The following EARS2 variants were observed in gnomAD, a reference collection of about 807,000 sequenced individuals.
The protein encoded by EARS2 is glutamyl-tRNA synthetase 2, mitochondrial.
Under a neutral mutation model 54.1 loss-of-function variants are expected in EARS2, and 50 were observed. That is an observed-to-expected ratio of 0.92 (90% CI 0.74 to 1.17). The LOEUF (loss-of-function observed/expected upper bound fraction) is 1.17, where lower values mean the gene tolerates loss of function less well. Ranked by LOEUF, EARS2 falls within the 50% of genes most tolerant of loss-of-function variation. The pLI, the probability that EARS2 is intolerant of heterozygous loss-of-function variation, is 0.00. For synonymous variants in EARS2, 298 were observed against 281.0 expected (o/e 1.06, Z -0.61); for missense variants, 673 against 675.0 (o/e 1.00, Z 0.03).
At chr16:23,526,847 G>A (rs1965236997) in intron 7 of EARS2, among the ~76,000 whole-genome samples, 1 of 152,150 alleles carries the variant, frequency 6.6e-6, no homozygotes, top group Admixed American at 6.5e-5. Flanking sequence ...TTCAGTTAGA[G>A]GTGGACTTAA....
In EARS2 at chr16:23,557,190, G is replaced by A. The variant is rs1965811274; in HGVS notation, c.139+15C>T. 1 of 1,506,300 alleles carries A rather than the reference G, an allele frequency of 6.6e-7. No individual in the cohort carries two copies. Among genetic ancestry groups the A allele is most frequent in the African/African-American group, 1.4e-5 (1 of 71,830 alleles). The allele number at this position is 1,506,300 out of a possible 1,614,324, so 93.3% of individuals were successfully genotyped here. A position where few individuals can be genotyped will look rare whatever the true frequency, so the allele number is the denominator to read the frequency against. ...AGGGGGCCTCGGCCTGTAGCGTCAC[G>A]TCCGCCAGGGTTACCTGTGGGGCTG... On this transcript the variant is annotated intron_variant, in intron 1 of 8. Transcript: ENST00000449606.
intron 3 of EARS2, 58 bp downstream of exon 3, chr16:23,544,456 C>A: frequency 6.5e-7 from 1 of 1,530,050 alleles, no homozygotes; most frequent in South Asian, 1.2e-5. Context: ...TTACGCAGCA[C>A]AAGGTAACAA....
At chr16:23,531,536 C>T (rs769740627) in intron 5 of EARS2, among the ~76,000 whole-genome samples, 1 of 152,132 alleles carries the variant, frequency 6.6e-6, no homozygotes, top group South Asian at 2.1e-4. Flanking sequence ...GCTGGGATTA[C>T]AGGTGTGAGC....
intron 1 of EARS2, chr16:23,556,729 T>C (rs1965794106): frequency 2.7e-6 from 1 of 367,580 alleles, no homozygotes; most frequent in Non-Finnish European, 5.3e-6. Context: ...GCTCAAATGT[T>C]ACCTGCTCAG....
At chr16:23,527,699 G>A (rs992849918) in intron 7 of EARS2, among the ~76,000 whole-genome samples, 2 of 151,758 alleles carry the variant, frequency 1.3e-5, no homozygotes, top group African/African-American at 4.8e-5. Context: ...GACTACAGGC[G>A]CCCACCACCA....
chr16:23,532,532 G>A, intron 5 of EARS2, 125 bp downstream of exon 5: 1 of 607,334 alleles, frequency 1.6e-6, no homozygotes, highest in South Asian at 2.3e-5. Context: ...GGCTCAAAGA[G>A]GCTAGGTGAT....
intron 2 of EARS2, among the ~76,000 whole-genome samples, chr16:23,548,745 G>A (rs1965646751): frequency 6.6e-6 from 1 of 152,184 alleles, no homozygotes; most frequent in African/African-American, 2.4e-5. Context: ...AAACTGTCAA[G>A]TCAGGATAGA....
chr16:23,547,141 A>G (rs1235546760), intron 2 of EARS2, among the ~76,000 whole-genome samples: 1 of 152,102 alleles, frequency 6.6e-6, no homozygotes, highest in Non-Finnish European at 1.5e-5. Flanking sequence ...AGTGATGAAT[A>G]AACAAAATGT....
chr16:23,554,973 G>A (rs901800581), intron 1 of EARS2, among the ~76,000 whole-genome samples: 1 of 152,144 alleles, frequency 6.6e-6, no homozygotes, highest in Non-Finnish European at 1.5e-5. Flanking sequence ...TCTTTTATCT[G>A]TTTATAGTCA....
In EARS2 at chr16:23,529,809, A is replaced by T; in HGVS notation, c.1156T>A (p.Cys386Ser). The change falls in exon 6 of 9, where the codon TGC becomes AGC. Residue 386 changes from cysteine (C) to serine (S), a missense_variant. Physicochemically the swap from Cys to Ser is moderately radical, Grantham distance 112. Transcript: ENST00000449606. ...LQVLVEEAFG[C>S]QLQNRDVLNP... ...AGGACATCCCTGTTTTGCAGCTGGC[A>T]ACCAAAGGCCTCCTCCACAAGGACC... 1 of 1,614,128 alleles carries T rather than the reference A, an allele frequency of 6.2e-7. No homozygotes were observed. The highest frequency in any genetic ancestry group is 1.1e-5 in the South Asian group (1 of 91,074).
intron 2 of EARS2, among the ~76,000 whole-genome samples, chr16:23,545,636 C>G (rs1194761227): frequency 6.6e-6 from 1 of 152,158 alleles, no homozygotes; most frequent in Non-Finnish European, 1.5e-5. Context: ...ATATTCTTAA[C>G]CACTCATTAC....
chr16:23,524,489 C>T (rs1325679049), intron 8 of EARS2, 35 bp from the exon 9 acceptor site: 1 of 1,572,980 alleles, frequency 6.4e-7, no homozygotes, highest in Non-Finnish European at 8.8e-7. Flanking sequence ...GCCTTACTAC[C>T]TTAAACAGCC....
intron 4 of EARS2, among the ~76,000 whole-genome samples, chr16:23,533,222 T>C (rs997656121): frequency 2.6e-5 from 4 of 152,132 alleles, no homozygotes; most frequent in Admixed American, 1.3e-4. Context: ...AGGCGGAGAT[T>C]GTAGTGAGCT....
At chr16:23,536,692 T>C (rs549020262) in intron 3 of EARS2, among the ~76,000 whole-genome samples, 2 of 147,740 alleles carry the variant, frequency 1.4e-5, no homozygotes, top group African/African-American at 4.9e-5. Flanking sequence ...CTTTTTTTTT[T>C]TTTTTTTTGA....
chr16:23,525,366 A>G lies in EARS2; in HGVS notation c.1366T>C (p.Ser456Pro), dbSNP rs764852114. 1 of 1,613,182 alleles carries G rather than the reference A, an allele frequency of 6.2e-7. No individual in the cohort carries two copies. Among genetic ancestry groups the G allele is most frequent in the East Asian group, 2.2e-5 (1 of 44,862 alleles). Residue 456 changes from serine to proline, a missense_variant, in exon 8 of 9, where the codon TCT becomes CCT. Transcript: ENST00000449606. ...ATATCCTGAGTTAAGCTCATACTAG[A>G]TCTTTCTAGAAGCCTAGAAGAAGAG... ...AKRVLGLLERSSMSLTQDMLN... is the reference protein window; with the variant it reads ...AKRVLGLLERPSMSLTQDMLN...
intron 2 of EARS2, among the ~76,000 whole-genome samples, chr16:23,550,204 A>G (rs1057100166): frequency 3.9e-5 from 6 of 151,980 alleles, no homozygotes; most frequent in African/African-American, 1.2e-4. Flanking sequence ...CTACAAAAAC[A>G]TAAGTTAATA....
At chr16:23,533,221 T>C (rs868521635) in intron 4 of EARS2, among the ~76,000 whole-genome samples, 4 of 152,074 alleles carry the variant, frequency 2.6e-5, no homozygotes, top group South Asian at 2.1e-4. Context: ...GAGGCGGAGA[T>C]TGTAGTGAGC....
chr16:23,538,834 G>A (rs1965466515), intron 3 of EARS2, among the ~76,000 whole-genome samples: 1 of 152,060 alleles, frequency 6.6e-6, no homozygotes, highest in Non-Finnish European at 1.5e-5. Context: ...CAGCCTGGGT[G>A]ACACAGCAAG....
At chr16:23,550,329 T>G (rs1965672729) in intron 2 of EARS2, among the ~76,000 whole-genome samples, 2 of 150,398 alleles carry the variant, frequency 1.3e-5, no homozygotes, top group Non-Finnish European at 2.9e-5. Flanking sequence ...TTTGAACCAC[T>G]GCGCTCTAGC....
Sources: gnomAD v4.1 joint callset for allele counts (sites outside exome capture counted in the v4.1 genomes callset) on GRCh38, gnomAD v4.1.1 for gene constraint, MANE v1.5 for transcripts, NCBI Gene and HGNC (gene_info 2026-07-23, HGNC 2026-07-21) for gene names.